Variants in ASAP2 observed in about 807,000 individuals in gnomAD.
The protein encoded by ASAP2 is arf-GAP with SH3 domain, ANK repeat and PH domain-containing protein 2.
A neutral mutation model predicts 131.4 loss-of-function variants in ASAP2; 45 were observed. The observed-to-expected ratio is 0.34, with a 90% confidence interval of 0.27 to 0.44. The LOEUF (loss-of-function observed/expected upper bound fraction) is 0.44. Ranked by LOEUF, ASAP2 falls within the 20% of genes least tolerant of loss-of-function variation. ASAP2 has a pLI of 1.00. For synonymous variants in ASAP2, 510 were observed against 503.0 expected, an observed-to-expected ratio of 1.01 and a Z score of -0.19; for missense variants, 1,011 against 1,297.0, an observed-to-expected ratio of 0.78 and a Z score of 3.39.
At chr2:9,271,506 C>T in intron 1 of ASAP2, 1 of 1,454,046 alleles carries the variant, frequency 6.9e-7, no homozygotes, top group Non-Finnish European at 9.7e-7. Flanking sequence ...TAAGGGCCTT[C>T]CTGCCGTTTC....
intron 3 of ASAP2, among the ~76,000 whole-genome samples, chr2:9,301,818 ATC>A (rs993436089): frequency 5.5e-5 from 7 of 127,354 alleles, no homozygotes; most frequent in African/African-American, 2.1e-4. Context: ...TGTATCCATC[ATC>A]TTTTTTTTTT....
chr2:9,294,744 C>T (rs1668047940), intron 2 of ASAP2, among the ~76,000 whole-genome samples: 1 of 152,220 alleles, frequency 6.6e-6, no homozygotes, highest in Admixed American at 6.5e-5. Context: ...CACGAGGCTG[C>T]ATAGAGTCTT....
intron 1 of ASAP2, among the ~76,000 whole-genome samples, chr2:9,274,706 A>G (rs1451540020): frequency 6.6e-6 from 1 of 152,156 alleles, no homozygotes; most frequent in East Asian, 1.9e-4. Flanking sequence ...CACCATAATG[A>G]AGGGTGTGTT....
chr2:9,349,805 C>A (rs1014736605), intron 11 of ASAP2, among the ~76,000 whole-genome samples: 2 of 152,194 alleles, frequency 1.3e-5, no homozygotes, highest in Admixed American at 6.5e-5. Flanking sequence ...AGCTGCTGGG[C>A]CTGTAAGTGC....
intron 2 of ASAP2, among the ~76,000 whole-genome samples, chr2:9,291,995 C>T (rs969101923): frequency 2.6e-5 from 4 of 152,108 alleles, no homozygotes; most frequent in Non-Finnish European, 5.9e-5. Flanking sequence ...GGAGGAAGAG[C>T]ACTGGACTCA....
chr2:9,317,644 A>G (rs1438991527), intron 3 of ASAP2, among the ~76,000 whole-genome samples: 1 of 149,504 alleles, frequency 6.7e-6, no homozygotes, highest in Non-Finnish European at 1.5e-5. Context: ...CCATACACAC[A>G]TTTACACACT....
At chr2:9,312,143 T>A (rs13414635) in intron 3 of ASAP2, among the ~76,000 whole-genome samples, 6,919 of 152,276 alleles carry the variant, frequency 0.045, 381 homozygotes, top group African/African-American at 0.12. Flanking sequence ...GACATTTTCT[T>A]CTCCCCTTAA....
At chr2:9,363,340 T>A (rs980949986) in intron 15 of ASAP2, among the ~76,000 whole-genome samples, 4 of 152,190 alleles carry the variant, frequency 2.6e-5, no homozygotes, top group African/African-American at 9.7e-5. Context: ...GGTTCTAGTT[T>A]TTCGAGGAAC....
chr2:9,375,075 G>T, intron 17 of ASAP2, 131 bp downstream of exon 17: 1 of 604,648 alleles, frequency 1.7e-6, no homozygotes, highest in Non-Finnish European at 2.5e-6. Context: ...TTTGAGATCA[G>T]CCTGGGCACC....
At chr2:9,221,017 A>G (rs943414226) in intron 1 of ASAP2, among the ~76,000 whole-genome samples, 3 of 152,156 alleles carry the variant, frequency 2.0e-5, no homozygotes, top group Admixed American at 6.5e-5. Context: ...CTTTATGCCT[A>G]TCCTTTATGC....
intron 5 of ASAP2, among the ~76,000 whole-genome samples, chr2:9,322,441 T>A (rs1325712101): frequency 2.0e-5 from 3 of 152,178 alleles, no homozygotes; most frequent in African/African-American, 7.2e-5. Flanking sequence ...TTTGAGTGCT[T>A]TCTGTTGGTT....
At chr2:9,305,562 G>C (rs1668850833) in intron 3 of ASAP2, among the ~76,000 whole-genome samples, 1 of 142,550 alleles carries the variant, frequency 7.0e-6, no homozygotes. Flanking sequence ...TATTGGTGGA[G>C]GGGCTGTAGT....
intron 3 of ASAP2, among the ~76,000 whole-genome samples, chr2:9,304,116 G>A (rs899431149): frequency 2.0e-5 from 3 of 152,184 alleles, no homozygotes; most frequent in African/African-American, 7.2e-5. Flanking sequence ...CCCGCCCTGA[G>A]CCCTGGGTCC....
chr2:9,332,615 C>T (rs1670918796), intron 7 of ASAP2, among the ~76,000 whole-genome samples: 1 of 152,214 alleles, frequency 6.6e-6, no homozygotes, highest in South Asian at 2.1e-4. Flanking sequence ...CACTCTCGCT[C>T]TCTGTCTGAC....
Position 9,393,620 on chromosome 2 carries a change from G to T in ASAP2, c.2657G>T (p.Arg886Leu). The T allele has an allele frequency of 6.3e-7, 1 of 1,584,654 alleles. No individual in the cohort carries two copies. The highest frequency in any genetic ancestry group is 8.6e-7 in the Non-Finnish European group (1 of 1,168,462). ...PPPLPPQPPS[R>L]LPQKKPAPGA... ...CCTCTGCCCCCACAGCCGCCCAGCCGCCTCCCGCAGAAGAAGCCTGCGCCG... is the reference window on the plus strand; with the variant it reads ...CCTCTGCCCCCACAGCCGCCCAGCCTCCTCCCGCAGAAGAAGCCTGCGCCG... Residue 886 changes from arginine to leucine, a missense_variant, in exon 24 of 28, where the codon CGC (arginine) becomes CTC (leucine). Physicochemically the swap from Arg to Leu is moderately radical, Grantham distance 102. This residue lies in a region of ASAP2 where 652 missense variants were observed against 698.9 expected (regional missense o/e 0.93). Transcript: ENST00000281419.
intron 5 of ASAP2, among the ~76,000 whole-genome samples, chr2:9,321,594 G>A (rs574769223): frequency 1.3e-4 from 20 of 152,182 alleles, no homozygotes; most frequent in Non-Finnish European, 2.5e-4. Flanking sequence ...ATTGAGCCAG[G>A]CCAGGAAGCA....
intron 23 of ASAP2, among the ~76,000 whole-genome samples, chr2:9,393,214 T>A (rs1162797558): frequency 1.3e-5 from 2 of 151,862 alleles, no homozygotes; most frequent in African/African-American, 4.8e-5. Flanking sequence ...CCCCAGGGAG[T>A]TCTAGCTGAG....
chr2:9,248,655 T>C (rs1664500786), intron 1 of ASAP2, among the ~76,000 whole-genome samples: 1 of 152,166 alleles, frequency 6.6e-6, no homozygotes, highest in African/African-American at 2.4e-5. Flanking sequence ...AGGCCCTGGC[T>C]GGGCATGGGA....
chr2:9,382,986 G>A (rs2148752074), intron 20 of ASAP2, among the ~76,000 whole-genome samples: 1 of 152,238 alleles, frequency 6.6e-6, no homozygotes, highest in East Asian at 1.9e-4. Flanking sequence ...CAGAGGTTAG[G>A]GTTTTTCAAG....
Sources: allele counts gnomAD v4.1 joint callset (sites outside exome capture counted in the v4.1 genomes callset), GRCh38; gene constraint gnomAD v4.1.1; regional missense constraint gnomAD v4.1.1; transcripts MANE v1.5; gene names NCBI Gene and HGNC (gene_info 2026-07-23, HGNC 2026-07-21).